Variants in FKBP15 observed in about 807,000 individuals in gnomAD.
FKBP15 encodes the protein FKBP prolyl isomerase family member 15.
FKBP15 carries 106 observed loss-of-function variants against 158.1 expected under a neutral mutation model. The observed-to-expected ratio is 0.67, with a 90% CI of 0.57 to 0.79. The LOEUF (loss-of-function observed/expected upper bound fraction) is 0.79. FKBP15 is among the 30% of genes least tolerant of loss of function. The probability of loss-of-function intolerance (pLI) is 0.00; values close to 1 mark genes in which losing one functional copy is unlikely to be tolerated. For synonymous variants in FKBP15, 547 were observed against 548.6 expected (o/e 1.00, Z 0.04); for missense variants, 1,287 against 1,479.1 (o/e 0.87, Z 2.13).
chr9:113,168,630 C>A, intron 26 of FKBP15, 74 bp from the exon 27 acceptor site: 1 of 1,321,840 alleles, frequency 7.6e-7, no homozygotes, highest in South Asian at 1.2e-5. Flanking sequence ...CTACAAGGGT[C>A]ACCGGCCCTT....
Position 113,169,501 on chromosome 9 carries a change from T to G in FKBP15, c.3208A>C (p.Lys1070Gln), listed in dbSNP as rs760566242. The change falls in exon 26 of 28, where the codon AAG becomes CAG. Residue 1070 changes from lysine (K) to glutamine (Q), a missense_variant. Physicochemically the swap from Lys to Gln is moderately conservative, Grantham distance 53. Coordinates refer to ENST00000238256, the MANE Select transcript of FKBP15 (RefSeq NM_015258.2). ...ACCTTTCCTGATGGGTTGTCGGGCT[T>G]AGCTGCCATTGGGCTGGCAGCAAGT... is the stretch of plus-strand genomic sequence containing the variant. ...ESLAASPMAAKPDNPSGKVCV... is the reference protein window; with the variant it reads ...ESLAASPMAAQPDNPSGKVCV... 1 of 1,614,028 alleles carries G rather than the reference T, an allele frequency of 6.2e-7. No individual in the cohort carries two copies. Among genetic ancestry groups the G allele is most frequent in the South Asian group, 1.1e-5 (1 of 91,084 alleles).
chr9:113,178,837 T>A (rs767788902), intron 19 of FKBP15, 36 bp from the exon 20 acceptor site: 1 of 1,562,122 alleles, frequency 6.4e-7, no homozygotes, highest in South Asian at 1.2e-5. Context: ...ACTTTAAACA[T>A]AGGTGTTCTC....
intron 2 of FKBP15, among the ~76,000 whole-genome samples, chr9:113,210,399 C>T (rs1485739800): frequency 1.5e-5 from 2 of 133,176 alleles, no homozygotes; most frequent in East Asian, 4.3e-4. Context: ...GTGGCGTGAT[C>T]TTGGCTCACT....
intron 21 of FKBP15, among the ~76,000 whole-genome samples, chr9:113,174,818 A>ATCCTAACT (rs1587952657): frequency 1.4e-4 from 1 of 7,294 alleles, no homozygotes. Flanking sequence ...AGCTAGGGAA[A>ATCCTAACT]TTGGGAGGCC....
At chr9:113,205,649 A>G (rs974417776) in intron 4 of FKBP15, among the ~76,000 whole-genome samples, 1 of 152,228 alleles carries the variant, frequency 6.6e-6, no homozygotes, top group African/African-American at 2.4e-5. Context: ...CATACGAGTC[A>G]GCAATTTCCA....
At chr9:113,171,147 G>C (rs1830201317) in intron 24 of FKBP15, among the ~76,000 whole-genome samples, 1 of 152,236 alleles carries the variant, frequency 6.6e-6, no homozygotes, top group Non-Finnish European at 1.5e-5. Flanking sequence ...CCAAATCTGG[G>C]CCGGGCATGG....
intron 1 of FKBP15, among the ~76,000 whole-genome samples, chr9:113,220,022 G>A (rs1396448922): frequency 6.6e-6 from 1 of 152,118 alleles, no homozygotes; most frequent in Non-Finnish European, 1.5e-5. Flanking sequence ...ACAAAAGAAG[G>A]CCAGTGTCAT....
At position 113,193,524 on chromosome 9, in the gene FKBP15, T is replaced by C. The variant is rs1428481589; in HGVS notation, c.1033A>G (p.Asn345Asp). 5 of 1,599,846 alleles carry C rather than the reference T, an allele frequency of 3.1e-6. No individual in the cohort carries two copies. Among genetic ancestry groups the C allele is most frequent in the Non-Finnish European group, 2.6e-6 (3 of 1,172,630 alleles). Residue 345 changes from asparagine to aspartate, a missense_variant, in exon 11 of 28, where the codon AAC becomes GAC. Coordinates refer to ENST00000238256, the MANE Select transcript of FKBP15 (RefSeq NM_015258.2). ...SGEPALRTKS[N>D]SLSEQLAINT... is the part of the protein sequence containing the mutation. Reference sequence around the variant, plus strand: ...ATTGCAAGTTGTTCACTGAGGGAGTTAGATTTGGTACGAAGAGCTGGCTCC... The same window carrying C: ...ATTGCAAGTTGTTCACTGAGGGAGTCAGATTTGGTACGAAGAGCTGGCTCC...
At chr9:113,171,297 G>A (rs1293323391) in intron 24 of FKBP15, among the ~76,000 whole-genome samples, 5 of 152,100 alleles carry the variant, frequency 3.3e-5, no homozygotes, top group Non-Finnish European at 7.3e-5. Flanking sequence ...GTGGTGGCGC[G>A]TGCCTGTAGT....
intron 15 of FKBP15, 67 bp downstream of exon 15, chr9:113,186,182 G>T: frequency 8.9e-7 from 1 of 1,117,966 alleles, no homozygotes. Flanking sequence ...TGAAAATGAA[G>T]GAGGAGCAAG....
At chr9:113,205,555 T>A (rs983534907) in intron 4 of FKBP15, among the ~76,000 whole-genome samples, 3 of 152,176 alleles carry the variant, frequency 2.0e-5, no homozygotes, top group African/African-American at 7.2e-5. Flanking sequence ...GAAACCCTCA[T>A]ACATTGCTTG....
rs796238957 is a variant in FKBP15 at position 113,198,765 on chromosome 9, T to A, written c.717+90A>T. On this transcript the variant is annotated intron_variant, in intron 8 of 27. Coordinates refer to ENST00000238256, the MANE Select transcript of FKBP15 (RefSeq NM_015258.2). This position sits in a 1 kb window ranked among gnomAD's most constrained non-coding sequence, Gnocchi z 5.2. ...GAAACTCCGTCTCAAAAAATAAAAATAAAATAAAAAAAGGAATTCCACAAA... is the reference window on the plus strand; with the variant it reads ...GAAACTCCGTCTCAAAAAATAAAAAAAAAATAAAAAAAGGAATTCCACAAA... 2 of 947,746 alleles carry A rather than the reference T, an allele frequency of 2.1e-6. No individual in the cohort carries two copies. The highest frequency in any genetic ancestry group is 3.4e-5 in the African/African-American group (2 of 59,290). 58.7% of individuals were successfully genotyped at this position (947,746 alleles called of 1,614,324 possible).
At chr9:113,182,329 C>A (rs186036173) in intron 19 of FKBP15, among the ~76,000 whole-genome samples, 2 of 152,130 alleles carry the variant, frequency 1.3e-5, no homozygotes, top group African/African-American at 4.8e-5. Context: ...ACTGCTACTG[C>A]AGGAACAGGT....
At position 113,199,911 on chromosome 9, in the gene FKBP15, TG is replaced by T. The variant is rs1381737334; in HGVS notation, c.550del (p.Gln184ArgfsTer11). The T allele has an allele frequency of 6.2e-7, 1 of 1,613,476 alleles. No homozygotes were observed. The highest frequency in any genetic ancestry group is 1.3e-5 in the African/African-American group (1 of 75,062). On this transcript the variant is annotated frameshift_variant, in exon 7 of 28. Coordinates refer to ENST00000238256, the MANE Select transcript of FKBP15 (RefSeq NM_015258.2). LOFTEE classifies it high-confidence loss of function. ...STSSLDAVLSQDLIVADGPAV... is the reference protein window; with the variant it reads ...STSSLDAVLSXDLIVADGPAV... ...AGGGCCGTCTGCCACAATGAGGTCC[TG>T]GGAGAGCACTGCATCCAGGGAAGAG... is the stretch of plus-strand genomic sequence containing the variant.
In FKBP15 at chr9:113,187,206, C is replaced by G. The variant is rs117154571; in HGVS notation, c.1383+587G>C. 7.6e-3 allele frequency: 1,169 copies of G among 153,968 alleles called. 10 individuals are homozygous for G. The highest frequency in any genetic ancestry group is 9.9e-3 in the Non-Finnish European group (683 of 69,214). 9.5% of individuals were successfully genotyped at this position (153,968 alleles called of 1,614,324 possible). A position where few individuals can be genotyped will look rare whatever the true frequency, so the allele number is the denominator to read the frequency against. On this transcript the variant is annotated intron_variant, in intron 14 of 27. Transcript: ENST00000238256. The stretch of plus-strand genomic sequence containing the variant: ...CATAGCCTATCCACCATCATTCCCA[C>G]ACCTCCATTAAGCATCACAAGGAGT...
chr9:113,179,061 C>T (rs939339639), intron 19 of FKBP15, among the ~76,000 whole-genome samples: 1 of 151,368 alleles, frequency 6.6e-6, no homozygotes, highest in Non-Finnish European at 1.5e-5. Flanking sequence ...GATGGGGTCT[C>T]GCTCAGTCAC....
intron 14 of FKBP15, 168 bp downstream of exon 14, chr9:113,187,625 C>A (rs1453225488): frequency 1.3e-5 from 8 of 613,996 alleles, no homozygotes; most frequent in African/African-American, 9.3e-5. Context: ...CGTAGGTTAT[C>A]CTTTGCCTGG....
chr9:113,206,201 T>C (rs1164261167), intron 4 of FKBP15: 1 of 401,926 alleles, frequency 2.5e-6, no homozygotes, highest in African/African-American at 2.0e-5. Context: ...TGTGTATTTG[T>C]GTATGTGTGT....
intron 8 of FKBP15, 29 bp from the exon 9 acceptor site, chr9:113,197,107 C>T: frequency 6.2e-7 from 1 of 1,605,048 alleles, no homozygotes; most frequent in South Asian, 1.1e-5. Context: ...AAAAGCTCAT[C>T]AAACAAGAAG....
Sources: allele counts gnomAD v4.1 joint callset (sites outside exome capture counted in the v4.1 genomes callset), GRCh38; gene constraint gnomAD v4.1.1; non-coding constraint Gnocchi (gnomAD v3.1); transcripts MANE v1.5; gene names NCBI Gene and HGNC (gene_info 2026-07-23, HGNC 2026-07-21).